Variants in CMSS1 observed in about 807,000 individuals in gnomAD.
The protein encoded by CMSS1 is cms1 ribosomal small subunit homolog, also known as protein CMSS1.
CMSS1 carries 33 observed loss-of-function variants against 43.5 expected under a neutral mutation model. The observed-to-expected ratio is 0.76, with a 90% confidence interval of 0.57 to 1.01. The LOEUF (loss-of-function observed/expected upper bound fraction) is 1.01. Ranked by LOEUF, CMSS1 falls within the 50% of genes least tolerant of loss-of-function variation. The pLI is 0.00. For synonymous variants in CMSS1, 115 were observed against 117.2 expected, an observed-to-expected ratio of 0.98 and a Z score of 0.12; for missense variants, 313 against 326.4, an observed-to-expected ratio of 0.96 and a Z score of 0.32.
rs527284492 is a variant in CMSS1, at chr3:99,965,206, G to C, written c.64+147163G>C. ...GAGATGAGGGATATGTGCTTAAATT[G>C]TGAAACAAATATATGAGTCAGGTAT... On this transcript the variant is annotated intron_variant, in intron 1 of 9. Transcript: ENST00000421999. Among the ~76,000 whole-genome samples, 6 of 152,334 alleles carry C rather than the reference G, an allele frequency of 3.9e-5. No homozygotes were observed. The South Asian group carries it at 1.2e-3, about 32-fold the overall frequency.
chr3:99,987,714 C>T (rs1274407733), intron 1 of CMSS1, among the ~76,000 whole-genome samples: 1 of 152,084 alleles, frequency 6.6e-6, no homozygotes, highest in African/African-American at 2.4e-5. Context: ...CCCAAGACCT[C>T]AGTTATTTTC....
chr3:99,864,956 A>G (rs1298529117), intron 1 of CMSS1, among the ~76,000 whole-genome samples: 7 of 152,260 alleles, frequency 4.6e-5, no homozygotes, highest in South Asian at 2.1e-4. Flanking sequence ...TCATTGGTCT[A>G]TTTTGTTTAA....
At chr3:99,886,914 G>C (rs1188429954) in intron 1 of CMSS1, among the ~76,000 whole-genome samples, 1 of 150,686 alleles carries the variant, frequency 6.6e-6, no homozygotes, top group Admixed American at 6.6e-5. Context: ...AGGTTGTAGT[G>C]AGCCAAGATC....
chr3:100,111,335 C>G (rs114804534), intron 1 of CMSS1, among the ~76,000 whole-genome samples: 283 of 152,194 alleles, frequency 1.9e-3, no homozygotes, highest in African/African-American at 6.6e-3. Flanking sequence ...TTTTCTAGAA[C>G]TTTATTTAAG....
intron 1 of CMSS1, among the ~76,000 whole-genome samples, chr3:99,966,575 G>A (rs1708659272): frequency 6.6e-6 from 1 of 152,032 alleles, no homozygotes; most frequent in African/African-American, 2.4e-5. Context: ...TCAACAAGTA[G>A]GACAACTATT....
At chr3:100,136,076 A>T (rs2066750637) in intron 1 of CMSS1, among the ~76,000 whole-genome samples, 2 of 152,078 alleles carry the variant, frequency 1.3e-5, no homozygotes, top group Non-Finnish European at 2.9e-5. Context: ...AGGATCACCC[A>T]CTCTCCTTTC....
At chr3:99,896,226 G>A (rs1363280006) in intron 1 of CMSS1, among the ~76,000 whole-genome samples, 1 of 152,146 alleles carries the variant, frequency 6.6e-6, no homozygotes, top group Non-Finnish European at 1.5e-5. Flanking sequence ...TTCCTTTCCT[G>A]GCAAATAAGT....
intron 1 of CMSS1, among the ~76,000 whole-genome samples, chr3:99,827,051 T>C (rs1942548941): frequency 1.3e-5 from 2 of 152,310 alleles, no homozygotes; most frequent in East Asian, 3.9e-4. Flanking sequence ...GTGTTACATA[T>C]AGGTCAGACA....
intron 1 of CMSS1, among the ~76,000 whole-genome samples, chr3:99,864,715 C>T (rs1416911311): frequency 6.6e-6 from 1 of 152,050 alleles, no homozygotes; most frequent in Non-Finnish European, 1.5e-5. Context: ...GCTCCTCTGC[C>T]CACTCACCAG....
intron 4 of CMSS1, 97 bp downstream of exon 4, chr3:100,162,529 C>T (rs1469590931): frequency 2.0e-5 from 27 of 1,317,396 alleles, no homozygotes; most frequent in Admixed American, 4.3e-5. Context: ...CATTTTCCAG[C>T]GGGCATGGTG....
intron 1 of CMSS1, among the ~76,000 whole-genome samples, chr3:100,050,303 G>A (rs1201323820): frequency 6.6e-6 from 1 of 152,058 alleles, no homozygotes; most frequent in Non-Finnish European, 1.5e-5. Context: ...AATGAGTCAG[G>A]AACTTACACA....
intron 8 of CMSS1, among the ~76,000 whole-genome samples, chr3:100,173,119 G>C (rs932703199): frequency 5.3e-5 from 8 of 152,038 alleles, no homozygotes. Flanking sequence ...CATCAGTGTA[G>C]TAACTCATTA....
At chr3:100,145,111 T>C (rs1180470933) in intron 1 of CMSS1, among the ~76,000 whole-genome samples, 1 of 152,170 alleles carries the variant, frequency 6.6e-6, no homozygotes, top group East Asian at 1.9e-4. Flanking sequence ...ACTACCCTTT[T>C]GGGTAGGCTT....
rs760114072 is a variant in CMSS1, at chr3:100,178,342, T to C, written c.794T>C (p.Val265Ala). The change falls in exon 10 of 10, where the codon GTG (valine) becomes GCG (alanine). Residue 265 changes from valine to alanine, a missense_variant. Physicochemically the swap from Val to Ala is moderately conservative, Grantham distance 64 (BLOSUM62 0). Transcript: ENST00000421999. The stretch of plus-strand genomic sequence containing the variant: ...GTATTCGAACTTCTGGAAATGGGAG[T>C]GCTCAGTCTGTGCAAGTCAGAATCC... ...KEVFELLEMG[V>A]LSLCKSESLK... 6.2e-7 allele frequency: 1 copy of C among 1,613,378 alleles called. No homozygotes were observed. The highest frequency in any genetic ancestry group is 1.1e-5 in the South Asian group (1 of 91,036).
chr3:100,155,707 G>A (rs998784339), intron 2 of CMSS1, among the ~76,000 whole-genome samples: 12 of 152,134 alleles, frequency 7.9e-5, no homozygotes, highest in Non-Finnish European at 1.6e-4. Context: ...TAAATTTTTT[G>A]AGACTTCATA....
chr3:99,881,037 G>C (rs1705708997), intron 1 of CMSS1, among the ~76,000 whole-genome samples: 1 of 152,074 alleles, frequency 6.6e-6, no homozygotes, highest in Non-Finnish European at 1.5e-5. Flanking sequence ...CTGCCTGTTG[G>C]CCCCCTAACA....
At chr3:100,049,968 T>C (rs1227565553) in intron 1 of CMSS1, among the ~76,000 whole-genome samples, 2 of 152,182 alleles carry the variant, frequency 1.3e-5, no homozygotes, top group Non-Finnish European at 2.9e-5. Flanking sequence ...CCCTAACTTC[T>C]GAGTTGTTCA....
At chr3:99,968,389 A>G (rs1708716516) in intron 1 of CMSS1, among the ~76,000 whole-genome samples, 1 of 151,942 alleles carries the variant, frequency 6.6e-6, no homozygotes, top group African/African-American at 2.4e-5. Context: ...ACTGTTGAAT[A>G]GTAGTATGAA....
At chr3:99,952,906 C>T (rs1708218708) in intron 1 of CMSS1, among the ~76,000 whole-genome samples, 1 of 152,012 alleles carries the variant, frequency 6.6e-6, no homozygotes, top group African/African-American at 2.4e-5. Flanking sequence ...GAGGTATACC[C>T]CCAAAATGGG....
Sources: allele counts gnomAD v4.1 joint callset (sites outside exome capture counted in the v4.1 genomes callset), GRCh38; gene constraint gnomAD v4.1.1; transcripts MANE v1.5; gene names NCBI Gene and HGNC (gene_info 2026-07-23, HGNC 2026-07-21).